Variants in DPYD observed in about 807,000 individuals in gnomAD.
The protein encoded by DPYD is dihydropyrimidine dehydrogenase [NADP(+)].
In DPYD, 109 loss-of-function variants were observed where a neutral mutation model predicts 116.2. That is an observed-to-expected ratio of 0.94 (90% CI 0.80 to 1.10). DPYD has a LOEUF of 1.10. DPYD is among the 50% of genes least tolerant of loss of function. DPYD has a pLI of 0.00. For missense variants in DPYD, 1,302 were observed against 1,254.5 expected, an observed-to-expected ratio of 1.04 and a Z score of -0.57; for synonymous variants, 440 against 432.0, an observed-to-expected ratio of 1.02 and a Z score of -0.23.
intron 16 of DPYD, among the ~76,000 whole-genome samples, chr1:97,356,051 C>A (rs185791713): frequency 1.3e-5 from 2 of 152,082 alleles, no homozygotes; most frequent in African/African-American, 4.8e-5. Flanking sequence ...CCACCAACAG[C>A]GTGCCAGGGC....
intron 5 of DPYD, chr1:97,720,836 C>T (rs1480828635): frequency 3.1e-6 from 5 of 1,598,350 alleles, no homozygotes; most frequent in African/African-American, 1.4e-5. Flanking sequence ...TGCTTGTTGA[C>T]TCCAAATAGG....
intron 20 of DPYD, among the ~76,000 whole-genome samples, chr1:97,163,988 G>C (rs950240940): frequency 2.0e-5 from 3 of 152,132 alleles, no homozygotes; most frequent in Admixed American, 6.6e-5. Flanking sequence ...GAAAACTTCA[G>C]GCCAATATCC....
intron 15 of DPYD, among the ~76,000 whole-genome samples, chr1:97,376,881 G>GTATATATATATATA (rs1671653621): frequency 7.9e-5 from 8 of 100,658 alleles, no homozygotes. Flanking sequence ...GTGTGTGTGT[G>GTATATATATATATA]TGTGTGTATA....
At chr1:97,255,615 T>C (rs1012225735) in intron 18 of DPYD, among the ~76,000 whole-genome samples, 7 of 152,076 alleles carry the variant, frequency 4.6e-5, no homozygotes, top group Non-Finnish European at 1.0e-4. Context: ...CCATTAAACC[T>C]CCTTCTTTTG....
At chr1:97,180,206 T>A (rs990698106) in intron 20 of DPYD, among the ~76,000 whole-genome samples, 1 of 152,122 alleles carries the variant, frequency 6.6e-6, no homozygotes, top group African/African-American at 2.4e-5. Context: ...TGAGGACAAA[T>A]TGGCATAAAG....
intron 8 of DPYD, among the ~76,000 whole-genome samples, chr1:97,605,806 G>A (rs573592274): frequency 6.6e-6 from 1 of 152,060 alleles, no homozygotes; most frequent in South Asian, 2.1e-4. Flanking sequence ...GTTAACAGAT[G>A]AACTGATCTT....
chr1:97,611,703 C>T (rs1655963943), intron 8 of DPYD, among the ~76,000 whole-genome samples: 2 of 151,974 alleles, frequency 1.3e-5, no homozygotes, highest in South Asian at 2.1e-4. Context: ...CCTGACTCTG[C>T]TACTTTCCAG....
intron 5 of DPYD, among the ~76,000 whole-genome samples, chr1:97,702,673 A>C (rs957569954): frequency 2.0e-5 from 3 of 151,990 alleles, no homozygotes; most frequent in African/African-American, 7.2e-5. Context: ...TGTGCTCAGC[A>C]TTCACTCATA....
chr1:97,387,861 C>T (rs1672441173), intron 14 of DPYD, among the ~76,000 whole-genome samples: 1 of 152,060 alleles, frequency 6.6e-6, no homozygotes, highest in South Asian at 2.1e-4. Flanking sequence ...AGCCAGATCT[C>T]TGGGAGCTCT....
At chr1:97,878,014 G>A (rs569598862) in intron 2 of DPYD, among the ~76,000 whole-genome samples, 2 of 152,024 alleles carry the variant, frequency 1.3e-5, no homozygotes, top group African/African-American at 2.4e-5. Context: ...TGGAACATAA[G>A]AAATATTATT....
intron 18 of DPYD, among the ~76,000 whole-genome samples, chr1:97,280,992 C>A (rs1014075224): frequency 6.6e-6 from 1 of 152,056 alleles, no homozygotes; most frequent in Non-Finnish European, 1.5e-5. Context: ...CATCACTACA[C>A]ACCCCATAAA....
chr1:97,801,108 T>C (rs971471402), intron 3 of DPYD, among the ~76,000 whole-genome samples: 1 of 151,812 alleles, frequency 6.6e-6, no homozygotes, highest in Non-Finnish European at 1.5e-5. Flanking sequence ...TGGGAAGCCT[T>C]TGGTGGGTAA....
At chr1:97,643,718 T>G (rs1658070061) in intron 8 of DPYD, among the ~76,000 whole-genome samples, 1 of 151,840 alleles carries the variant, frequency 6.6e-6, no homozygotes, top group Non-Finnish European at 1.5e-5. Context: ...ATAAAGAAAA[T>G]GTGGCACATA....
intron 13 of DPYD, among the ~76,000 whole-genome samples, chr1:97,500,543 T>A (rs1371619455): frequency 6.6e-6 from 1 of 152,054 alleles, no homozygotes; most frequent in Non-Finnish European, 1.5e-5. Flanking sequence ...GGGATTATCG[T>A]TTTTTATTTT....
intron 20 of DPYD, among the ~76,000 whole-genome samples, chr1:97,189,067 C>A (rs1658185990): frequency 6.6e-6 from 1 of 152,014 alleles, no homozygotes; most frequent in Non-Finnish European, 1.5e-5. Context: ...TTTCTTTCAA[C>A]ATTCATTTAG....
intron 10 of DPYD, among the ~76,000 whole-genome samples, chr1:97,577,321 A>T (rs1653332196): frequency 6.6e-6 from 1 of 152,120 alleles, no homozygotes; most frequent in Non-Finnish European, 1.5e-5. Context: ...AAACGAGTAG[A>T]TGCAGCCTGC....
intron 2 of DPYD, among the ~76,000 whole-genome samples, chr1:97,871,605 T>A (rs370528375): frequency 8.9e-4 from 131 of 146,720 alleles, no homozygotes; most frequent in African/African-American, 3.2e-3. Context: ...AAAAAAAAAA[T>A]CACAGAAAAA....
At chr1:97,471,301 A>T (rs896313278) in intron 13 of DPYD, among the ~76,000 whole-genome samples, 6 of 150,488 alleles carry the variant, frequency 4.0e-5, no homozygotes, top group East Asian at 2.4e-4. Flanking sequence ...GACAGGGAAT[A>T]AAAAAAACCC....
At chr1:97,567,033 C>G (rs578181629) in intron 11 of DPYD, among the ~76,000 whole-genome samples, 1 of 152,086 alleles carries the variant, frequency 6.6e-6, no homozygotes, top group Non-Finnish European at 1.5e-5. Flanking sequence ...CTTCCCAACA[C>G]TTAAACAATT....
Sources: gnomAD v4.1 joint callset for allele counts (sites outside exome capture counted in the v4.1 genomes callset) on GRCh38, gnomAD v4.1.1 for gene constraint, MANE v1.5 for transcripts, NCBI Gene and HGNC (gene_info 2026-07-23, HGNC 2026-07-21) for gene names.